Variants in TEX15 observed in about 807,000 individuals in gnomAD.
TEX15 encodes the protein testis-expressed protein 15.
In TEX15, 171 loss-of-function variants were observed where a neutral mutation model predicts 237.3. The observed-to-expected ratio is 0.72, with a 90% CI of 0.64 to 0.82. The LOEUF (loss-of-function observed/expected upper bound fraction) is 0.82. TEX15 is among the 40% of genes least tolerant of loss of function. The pLI is 0.00. For missense variants in TEX15, 3,750 were observed against 3,646.5 expected, an observed-to-expected ratio of 1.03 and a Z score of -0.73; for synonymous variants, 1,338 against 1,269.8, an observed-to-expected ratio of 1.05 and a Z score of -1.14.
chr8:30,870,921 G>A (rs1254851871), intron 4 of TEX15, among the ~76,000 whole-genome samples: 1 of 151,984 alleles, frequency 6.6e-6, no homozygotes, highest in East Asian at 1.9e-4. Context: ...GAGGTTCTAG[G>A]GGAGGATCTC....
chr8:30,869,108 A>C (rs1171530533), intron 4 of TEX15, among the ~76,000 whole-genome samples: 1 of 151,984 alleles, frequency 6.6e-6, no homozygotes, highest in African/African-American at 2.4e-5. Context: ...ATGTTAGTAA[A>C]AAAATGACCT....
intron 8 of TEX15, 49 bp from the exon 9 acceptor site, chr8:30,840,013 TAATAAA>T: frequency 8.2e-6 from 9 of 1,098,726 alleles, no homozygotes; most frequent in South Asian, 5.1e-5. Context: ...TGACAAACTA[TAATAAA>T]AATAATTATT....
intron 3 of TEX15, among the ~76,000 whole-genome samples, chr8:30,881,616 A>ATTTTTTTTTTTTTT (rs199820564): frequency 1.2e-5 from 1 of 86,906 alleles, no homozygotes. Flanking sequence ...TTGACTTTTT[A>ATTTTTTTTTTTTTT]TTTTTTTTTA....
intron 3 of TEX15, among the ~76,000 whole-genome samples, chr8:30,876,954 G>A (rs571738009): frequency 3.9e-5 from 6 of 152,146 alleles, no homozygotes; most frequent in Non-Finnish European, 7.4e-5. Flanking sequence ...CCTCCTTGCT[G>A]AGCTCTTCTT....
In TEX15 at chr8:30,847,132, G is replaced by A; in HGVS notation, c.3035C>T (p.Ser1012Phe). 6.2e-7 allele frequency: 1 copy of A among 1,613,652 alleles called. No individual in the cohort carries two copies. The highest frequency in any genetic ancestry group is 8.5e-7 in the Non-Finnish European group (1 of 1,179,776). The change falls in exon 8 of 11, where the codon TCT becomes TTT. Residue 1012 changes from serine (S) to phenylalanine (F), a missense_variant. Physicochemically the swap from Ser to Phe is radical, Grantham distance 155. Transcript: ENST00000643185. ...CAAACCAAAATCTGGACTTTCAGAA[G>A]AACAAGTTTCTTTAAACTGGTATAT... ...HQIYQFKETC[S>F]SESPDFGLLV...
At position 30,847,868 on chromosome 8, in the gene TEX15, T is replaced by C. The variant is rs766192782; in HGVS notation, c.2299A>G (p.Lys767Glu). ...YASIITEAFPKPKDIPQAKEM... is the reference protein window; with the variant it reads ...YASIITEAFPEPKDIPQAKEM... Reference sequence around the variant, plus strand: ...TTGGCCTGGGGTATGTCTTTTGGTTTCGGGAAAGCTTCAGTTATAATGCTA... The same window carrying C: ...TTGGCCTGGGGTATGTCTTTTGGTTCCGGGAAAGCTTCAGTTATAATGCTA... Residue 767 changes from lysine to glutamate, a missense_variant, in exon 8 of 11, where the codon AAA becomes GAA. Lys to Glu is a moderately conservative substitution (Grantham distance 56). Coordinates refer to ENST00000643185, the MANE Select transcript of TEX15 (RefSeq NM_001350162.2). The C allele has an allele frequency of 1.2e-5, 19 of 1,613,826 alleles. No homozygotes were observed. The highest frequency in any genetic ancestry group is 1.5e-5 in the Non-Finnish European group (18 of 1,179,962).
At chr8:30,870,037 C>G (rs1209049347) in intron 4 of TEX15, among the ~76,000 whole-genome samples, 1 of 151,882 alleles carries the variant, frequency 6.6e-6, no homozygotes, top group Non-Finnish European at 1.5e-5. Context: ...ACCTCTGAAC[C>G]CTGCATGTAC....
At chr8:30,873,865 T>C (rs1293206672) in intron 4 of TEX15, among the ~76,000 whole-genome samples, 2 of 152,110 alleles carry the variant, frequency 1.3e-5, no homozygotes, top group Non-Finnish European at 2.9e-5. Flanking sequence ...AAGAAAACAA[T>C]AAATCCTATA....
chr8:30,880,798 G>T (rs1808503682), intron 3 of TEX15, among the ~76,000 whole-genome samples: 1 of 151,916 alleles, frequency 6.6e-6, no homozygotes, highest in African/African-American at 2.4e-5. Flanking sequence ...GTTTTGGGGA[G>T]GGGGTGGGGG....
intron 2 of TEX15, among the ~76,000 whole-genome samples, chr8:30,897,450 T>A (rs1378516084): frequency 6.6e-6 from 1 of 152,182 alleles, no homozygotes; most frequent in Non-Finnish European, 1.5e-5. Flanking sequence ...CTTAGAACAT[T>A]TATTTGCCTA....
chr8:30,840,582 T>TAA (rs1455199207), intron 8 of TEX15, among the ~76,000 whole-genome samples: 8 of 152,336 alleles, frequency 5.3e-5, no homozygotes, highest in Admixed American at 5.2e-4. Context: ...GCCCCATCGA[T>TAA]TCTTTAAGTC....
chr8:30,846,756 A>C lies in TEX15; in HGVS notation c.3411T>G (p.Tyr1137Ter). ...QHYSKESNYF[Y>*]SSTQNNETEL... ...CTGTTTCATTGTTTTGTGTAGAGGAATAAAAATAGTTACTTTCCTTAGAAT... is the reference window on the plus strand; with the variant it reads ...CTGTTTCATTGTTTTGTGTAGAGGACTAAAAATAGTTACTTTCCTTAGAAT... The change falls in exon 8 of 11, where the codon TAT becomes TAG. Residue 1137 changes from tyrosine (Y) to a stop codon, truncating the protein, a stop_gained. Transcript: ENST00000643185. LOFTEE classifies it high-confidence loss of function. The C allele has an allele frequency of 6.2e-7, 1 of 1,613,858 alleles. No individual in the cohort carries two copies. The highest frequency in any genetic ancestry group is 8.5e-7 in the Non-Finnish European group (1 of 1,179,794).
chr8:30,910,075 A>T (rs577122254), intron 1 of TEX15, among the ~76,000 whole-genome samples: 6 of 152,284 alleles, frequency 3.9e-5, no homozygotes, highest in African/African-American at 1.4e-4. Flanking sequence ...TAAAACTGCC[A>T]ATTTTCCAAA....
chr8:30,840,227 A>T (rs893696743), intron 8 of TEX15, among the ~76,000 whole-genome samples: 2 of 151,150 alleles, frequency 1.3e-5, no homozygotes, highest in African/African-American at 4.9e-5. Flanking sequence ...ATGGAGTCTC[A>T]TTCTGTCACC....
Position 30,846,546 on chromosome 8 carries a change from G to C in TEX15, c.3621C>G (p.Ser1207=), listed in dbSNP as rs772351099. 2 of 1,613,492 alleles carry C rather than the reference G, an allele frequency of 1.2e-6. No homozygotes were observed. The highest frequency in any genetic ancestry group is 1.7e-6 in the Non-Finnish European group (2 of 1,179,690). Residue 1207 remains serine, a synonymous_variant, in exon 8 of 11, where the codon TCC becomes TCG. Coordinates refer to ENST00000643185, the MANE Select transcript of TEX15 (RefSeq NM_001350162.2). ...AATCTGCATTTTCACCAAAAGGCTGGGAATAAATGTCAAATCCTAGAATTT... is the reference window on the plus strand; with the variant it reads ...AATCTGCATTTTCACCAAAAGGCTGCGAATAAATGTCAAATCCTAGAATTT... ...DGEILGFDIY[S]QPFGENADYP...
At position 30,907,467 on chromosome 8, in the gene TEX15, A is replaced by C. The variant is rs183428026; in HGVS notation, c.-86+5412T>G. ...ACAATGTATATATAAATTATATACAAAATGTATATATAAATTATATATAAA... is the reference window on the plus strand; with the variant it reads ...ACAATGTATATATAAATTATATACACAATGTATATATAAATTATATATAAA... On this transcript the variant is annotated intron_variant, in intron 1 of 10. Coordinates refer to ENST00000643185, the MANE Select transcript of TEX15 (RefSeq NM_001350162.2). Among the ~76,000 whole-genome samples the C allele has an allele frequency of 8.1e-3, 1,201 of 147,384 alleles. 15 individuals are homozygous for C. Among genetic ancestry groups the C allele is most frequent in the African/African-American group, 0.028 (1,141 of 40,566 alleles).
chr8:30,889,954 C>CATATATATATATATATACATAT lies in TEX15; in HGVS notation c.-9-2644_-9-2643insATATGTATATATATATATATAT. ...ATATACATATATATATATATATATA[C>CATATATATATATATATACATAT]ATATATATATATATGTATAAGTAAA... On this transcript the variant is annotated intron_variant, in intron 2 of 10. Transcript: ENST00000643185. Among the ~76,000 whole-genome samples, 133 of 110,080 alleles carry CATATATATATATATATACATAT rather than the reference C, an allele frequency of 1.2e-3. 1 individual carries two copies. Among genetic ancestry groups the CATATATATATATATATACATAT allele is most frequent in the East Asian group, 6.3e-3 (29 of 4,590 alleles). 72.2% of individuals were successfully genotyped at this position (110,080 alleles called of 152,430 possible).
rs183625536 is a variant in TEX15 at position 30,859,805 on chromosome 8, T to C, written c.687+106A>G. 130 of 861,942 alleles carry C rather than the reference T, an allele frequency of 1.5e-4. No homozygotes were observed. In the Admixed American group the frequency reaches 2.0e-3, roughly 13 times the overall value. 53.4% of individuals were successfully genotyped at this position (861,942 alleles called of 1,614,324 possible). ...TTCACTGTTTGCTTAAGATATTATATTGAACGAATTAAGAGATTTTCATTT... is the reference window on the plus strand; with the variant it reads ...TTCACTGTTTGCTTAAGATATTATACTGAACGAATTAAGAGATTTTCATTT... On this transcript the variant is annotated intron_variant, in intron 6 of 10. Transcript: ENST00000643185.
intron 4 of TEX15, among the ~76,000 whole-genome samples, chr8:30,869,673 C>G (rs1808248273): frequency 6.6e-6 from 1 of 152,016 alleles, no homozygotes; most frequent in Non-Finnish European, 1.5e-5. Flanking sequence ...AATAAAACTA[C>G]TGCTTTAAAG....
Sources: allele counts gnomAD v4.1 joint callset (sites outside exome capture counted in the v4.1 genomes callset), GRCh38; gene constraint gnomAD v4.1.1; transcripts MANE v1.5; gene names NCBI Gene and HGNC (gene_info 2026-07-23, HGNC 2026-07-21).